The following CPNE4 variants were observed in gnomAD, a reference collection of about 807,000 sequenced individuals.
CPNE4 encodes the protein copine-4.
In CPNE4, 25 loss-of-function variants were observed where a neutral mutation model predicts 67.9. The observed-to-expected ratio is 0.37, with a 90% CI of 0.27 to 0.51. The LOEUF (loss-of-function observed/expected upper bound fraction) is 0.51, where lower values mean the gene tolerates loss of function less well. Ranked by LOEUF, CPNE4 falls within the 20% of genes least tolerant of loss-of-function variation. The pLI, the probability that CPNE4 is intolerant of heterozygous loss-of-function variation, is 0.93. For missense variants in CPNE4, 464 were observed against 690.8 expected, an observed-to-expected ratio of 0.67 and a Z score of 3.68; for synonymous variants, 242 against 244.9, an observed-to-expected ratio of 0.99 and a Z score of 0.11.
intron 2 of CPNE4, among the ~76,000 whole-genome samples, chr3:131,844,232 G>T (rs910228028): frequency 6.6e-6 from 1 of 150,724 alleles, no homozygotes. Context: ...CACTCTTTAT[G>T]AATTAGCCCA....
At chr3:131,656,101 A>G (rs545293997) in intron 7 of CPNE4, among the ~76,000 whole-genome samples, 1 of 150,052 alleles carries the variant, frequency 6.7e-6, no homozygotes, top group East Asian at 2.0e-4. Flanking sequence ...TCATTCCTGA[A>G]GGAGTGCTTT....
At chr3:132,004,595 CAAGTT>C (rs2073538202) in intron 1 of CPNE4, among the ~76,000 whole-genome samples, 1 of 151,938 alleles carries the variant, frequency 6.6e-6, no homozygotes, top group Non-Finnish European at 1.5e-5. Context: ...AGCAAGAACT[CAAGTT>C]AAGCTAGCCT....
At chr3:132,021,911 A>G (rs988584402) in intron 1 of CPNE4, among the ~76,000 whole-genome samples, 2 of 152,224 alleles carry the variant, frequency 1.3e-5, no homozygotes, top group African/African-American at 2.4e-5. Context: ...CCATCCAAGC[A>G]AAGTGGAATA....
At chr3:131,564,931 G>A (rs956465203) in intron 10 of CPNE4, among the ~76,000 whole-genome samples, 1 of 151,962 alleles carries the variant, frequency 6.6e-6, no homozygotes, top group Non-Finnish European at 1.5e-5. Context: ...AAGAACTCCT[G>A]CCTACAACAA....
chr3:131,756,373 A>G (rs1189078940), intron 2 of CPNE4, among the ~76,000 whole-genome samples: 1 of 152,218 alleles, frequency 6.6e-6, no homozygotes, highest in East Asian at 1.9e-4. Flanking sequence ...TACTATACCC[A>G]TATAGGAGTC....
chr3:131,681,267 C>G (rs1222314274), intron 6 of CPNE4, among the ~76,000 whole-genome samples: 2 of 152,174 alleles, frequency 1.3e-5, no homozygotes, highest in Non-Finnish European at 2.9e-5. Context: ...TTTCTTATTG[C>G]TCATTAATGT....
At chr3:131,536,735 T>C (rs1935167466) in intron 15 of CPNE4, among the ~76,000 whole-genome samples, 1 of 152,274 alleles carries the variant, frequency 6.6e-6, no homozygotes, top group Admixed American at 6.5e-5. Flanking sequence ...CATAGCATGA[T>C]GGACATTTGT....
chr3:131,729,485 G>A (rs2082078526), intron 2 of CPNE4, among the ~76,000 whole-genome samples: 1 of 152,180 alleles, frequency 6.6e-6, no homozygotes. Context: ...TCAGCTGCTT[G>A]TGACTGCTGA....
At chr3:131,883,324 T>C (rs1454764637) in intron 2 of CPNE4, among the ~76,000 whole-genome samples, 1 of 152,182 alleles carries the variant, frequency 6.6e-6, no homozygotes. Context: ...GATTCTTGAC[T>C]CCTCATTTTC....
intron 2 of CPNE4, among the ~76,000 whole-genome samples, chr3:131,890,039 T>A (rs1037187330): frequency 6.6e-6 from 1 of 152,090 alleles, no homozygotes; most frequent in African/African-American, 2.4e-5. Context: ...CAATGTTTTT[T>A]AATATGACAC....
At chr3:132,001,472 C>G (rs1222900384) in intron 1 of CPNE4, among the ~76,000 whole-genome samples, 1 of 150,704 alleles carries the variant, frequency 6.6e-6, no homozygotes, top group Non-Finnish European at 1.5e-5. Flanking sequence ...AACTCAAAGC[C>G]TGCTGTTATG....
intron 1 of CPNE4, among the ~76,000 whole-genome samples, chr3:131,958,265 C>T (rs2107911022): frequency 6.6e-6 from 1 of 152,306 alleles, no homozygotes; most frequent in East Asian, 1.9e-4. Context: ...AGCGACTTTT[C>T]CCAGTTCTTG....
In CPNE4 at chr3:131,887,337, G is replaced by A. The variant is rs566796822; in HGVS notation, c.180+17927C>T. Among the ~76,000 whole-genome samples, 23 of 152,292 alleles carry A rather than the reference G, an allele frequency of 1.5e-4. No homozygotes were observed. The South Asian group carries it at 2.3e-3, about 15-fold the overall frequency. Reference sequence around the variant, plus strand: ...ATGATTGTGAGGCTTCCCCAGCCACGTGGAACTGTAAGTCCAATTAAACCT... The same window carrying A: ...ATGATTGTGAGGCTTCCCCAGCCACATGGAACTGTAAGTCCAATTAAACCT... On this transcript the variant is annotated intron_variant, in intron 2 of 15. Coordinates refer to ENST00000429747, the MANE Select transcript of CPNE4 (RefSeq NM_130808.3).
chr3:131,692,766 A>C (rs1448292119), intron 5 of CPNE4, among the ~76,000 whole-genome samples: 1 of 152,198 alleles, frequency 6.6e-6, no homozygotes, highest in Admixed American at 6.6e-5. Flanking sequence ...AACTAGCATC[A>C]TGGGAACACT....
At chr3:131,823,197 A>G (rs1032873785) in intron 2 of CPNE4, among the ~76,000 whole-genome samples, 2 of 152,172 alleles carry the variant, frequency 1.3e-5, no homozygotes, top group Non-Finnish European at 2.9e-5. Flanking sequence ...AAGGAAACTA[A>G]TATTTATTGA....
intron 1 of CPNE4, among the ~76,000 whole-genome samples, chr3:132,007,206 T>A (rs1008200192): frequency 6.6e-6 from 1 of 152,206 alleles, no homozygotes; most frequent in Non-Finnish European, 1.5e-5. Flanking sequence ...AGTTCATGAC[T>A]TGAAGCCCAA....
intron 7 of CPNE4, among the ~76,000 whole-genome samples, chr3:131,649,085 A>G (rs2079741357): frequency 6.6e-6 from 1 of 152,224 alleles, no homozygotes; most frequent in Non-Finnish European, 1.5e-5. Context: ...GTACTCAAAT[A>G]GCTGTGCCCA....
chr3:131,876,653 A>AAAAGAAAGAAAGAAAG (rs1553794944), intron 2 of CPNE4, among the ~76,000 whole-genome samples: 1 of 140,678 alleles, frequency 7.1e-6, no homozygotes, highest in Admixed American at 7.7e-5. Context: ...AAAAAAAAAA[A>AAAAGAAAGAAAGAAAG]AAAGAAAGAA....
chr3:131,641,079 G>A (rs1342276317), intron 7 of CPNE4, among the ~76,000 whole-genome samples: 2 of 152,046 alleles, frequency 1.3e-5, no homozygotes, highest in African/African-American at 2.4e-5. Flanking sequence ...AGATAACATT[G>A]GGAAAACCCT....
Sources: allele counts gnomAD v4.1 joint callset (sites outside exome capture counted in the v4.1 genomes callset), GRCh38; gene constraint gnomAD v4.1.1; transcripts MANE v1.5; gene names NCBI Gene and HGNC (gene_info 2026-07-23, HGNC 2026-07-21).